Variants in TRHDE observed in about 807,000 individuals in gnomAD.
TRHDE encodes the protein thyrotropin releasing hormone degrading enzyme, also known as thyrotropin-releasing hormone-degrading ectoenzyme.
Under a neutral mutation model 125.7 loss-of-function variants are expected in TRHDE, and 72 were observed. That is an observed-to-expected ratio of 0.57 (90% CI 0.47 to 0.70). The LOEUF (loss-of-function observed/expected upper bound fraction) is 0.70. Among genes scored for constraint, TRHDE ranks in the 30% least tolerant of loss-of-function variants. The pLI is 0.00. For missense variants in TRHDE, 1,110 were observed against 1,327.1 expected, an observed-to-expected ratio of 0.84 and a Z score of 2.54; for synonymous variants, 509 against 509.1, an observed-to-expected ratio of 1.00 and a Z score of 0.00.
In TRHDE at chr12:72,349,886, G is replaced by A. The variant is rs80089316; in HGVS notation, c.1189-28109G>A. Among the ~76,000 whole-genome samples, 72 of 152,004 alleles carry A rather than the reference G, an allele frequency of 4.7e-4. No individual in the cohort carries two copies. The East Asian group carries it at 0.01, about 21-fold the overall frequency. ...TGTAAATTGGGAACAGATATCATGC[G>A]TTTCTCATGCATAGCTGTTAATTAC... On this transcript the variant is annotated intron_variant, in intron 2 of 18. Transcript: ENST00000261180.
At chr12:72,659,974 G>A (rs1308373290) in intron 18 of TRHDE, among the ~76,000 whole-genome samples, 2 of 152,050 alleles carry the variant, frequency 1.3e-5, no homozygotes, top group Non-Finnish European at 2.9e-5. Flanking sequence ...CCACCAAGAT[G>A]AGGAGACCGG....
chr12:72,300,973 C>T (rs1023954680), intron 2 of TRHDE, among the ~76,000 whole-genome samples: 1 of 152,130 alleles, frequency 6.6e-6, no homozygotes, highest in African/African-American at 2.4e-5. Flanking sequence ...TTCCCCTCCT[C>T]TCTTACTTTC....
chr12:72,639,938 G>T (rs952881161), intron 15 of TRHDE, among the ~76,000 whole-genome samples: 2 of 140,410 alleles, frequency 1.4e-5, no homozygotes, highest in South Asian at 2.4e-4. Flanking sequence ...AGTCTGTAGA[G>T]GTTACTGCTG....
chr12:72,162,625 C>T (rs1876659995), intron 2 of TRHDE, among the ~76,000 whole-genome samples: 1 of 152,180 alleles, frequency 6.6e-6, no homozygotes, highest in African/African-American at 2.4e-5. Flanking sequence ...GAATTCCCTA[C>T]ATAAAACTCT....
At chr12:72,507,226 T>C (rs762632814) in intron 6 of TRHDE, among the ~76,000 whole-genome samples, 7 of 152,046 alleles carry the variant, frequency 4.6e-5, no homozygotes, top group Non-Finnish European at 7.4e-5. Flanking sequence ...ATACAGAAAA[T>C]TGGCACCAGG....
chr12:72,108,657 G>A (rs1470421055), intron 2 of TRHDE, among the ~76,000 whole-genome samples: 2 of 152,048 alleles, frequency 1.3e-5, no homozygotes, highest in South Asian at 2.1e-4. Flanking sequence ...AGGTATTTGC[G>A]AGAACCTGGT....
chr12:72,135,377 C>A (rs1480909968), intron 2 of TRHDE, among the ~76,000 whole-genome samples: 1 of 152,074 alleles, frequency 6.6e-6, no homozygotes, highest in Non-Finnish European at 1.5e-5. Flanking sequence ...CTTTATTGAC[C>A]TGGTCTTTCC....
chr12:72,626,945 C>A (rs1441442817), intron 15 of TRHDE, among the ~76,000 whole-genome samples: 3 of 151,708 alleles, frequency 2.0e-5, no homozygotes, highest in South Asian at 2.1e-4. Flanking sequence ...CACTATTTTT[C>A]TTTTTCTTAT....
intron 3 of TRHDE, among the ~76,000 whole-genome samples, chr12:72,430,414 CATATATATACATGT>C (rs1188474416): frequency 2.8e-5 from 4 of 142,146 alleles, no homozygotes; most frequent in African/African-American, 1.1e-4. Flanking sequence ...TATATATGTG[CATATATATACATGT>C]ATATATATAC....
At position 72,272,622 on chromosome 12, in the gene TRHDE, G is replaced by A. The variant is rs977251320; in HGVS notation, c.-22G>A. On this transcript the variant is annotated 5_prime_UTR_variant, in exon 1 of 19. Transcript: ENST00000261180. The surrounding 1 kb of genome is among the most constrained non-coding windows in gnomAD (Gnocchi z 6.7). The stretch of plus-strand genomic sequence containing the variant: ...CCGCGGGGGGTGCCAGAGGGGGCGG[G>A]GGAGGAGGAGGAGGCGGTGTGATGG... 3 of 905,220 alleles carry A rather than the reference G, an allele frequency of 3.3e-6. No homozygotes were observed. In the African/African-American group the frequency reaches 5.1e-5, roughly 16 times the overall value. The allele number at this position is 905,220 out of a possible 1,614,324, so 56.1% of individuals were successfully genotyped here. A position where few individuals can be genotyped will look rare whatever the true frequency, so the allele number is the denominator to read the frequency against.
chr12:72,326,385 A>T (rs1869341341), intron 2 of TRHDE, among the ~76,000 whole-genome samples: 1 of 152,048 alleles, frequency 6.6e-6, no homozygotes, highest in Non-Finnish European at 1.5e-5. Flanking sequence ...AGCATCACAC[A>T]CTGGAGCCTG....
chr12:72,375,785 A>ATG (rs1871852125), intron 2 of TRHDE, among the ~76,000 whole-genome samples: 1 of 152,158 alleles, frequency 6.6e-6, no homozygotes, highest in Non-Finnish European at 1.5e-5. Flanking sequence ...TATCTCAATA[A>ATG]TGCATGTCTT....
chr12:72,378,518 C>T (rs1198932796), intron 3 of TRHDE, among the ~76,000 whole-genome samples: 1 of 152,070 alleles, frequency 6.6e-6, no homozygotes, highest in African/African-American at 2.4e-5. Flanking sequence ...ATCTGGACAG[C>T]CAGTAAGTGA....
intron 2 of TRHDE, among the ~76,000 whole-genome samples, chr12:72,312,171 G>A (rs1009114131): frequency 6.6e-6 from 1 of 152,082 alleles, no homozygotes; most frequent in Non-Finnish European, 1.5e-5. Flanking sequence ...AATCAGGACC[G>A]CCCTCAAAGG....
chr12:72,368,103 C>A (rs1374936611), intron 2 of TRHDE, among the ~76,000 whole-genome samples: 1 of 152,080 alleles, frequency 6.6e-6, no homozygotes, highest in African/African-American at 2.4e-5. Context: ...TTTTAAACAA[C>A]AAATCATTAA....
At chr12:72,515,546 T>A (rs1314242673) in intron 6 of TRHDE, among the ~76,000 whole-genome samples, 1 of 152,228 alleles carries the variant, frequency 6.6e-6, no homozygotes. Context: ...ATTAGCCCTT[T>A]GTCAGATGAG....
At chr12:72,420,278 G>A (rs1489339143) in intron 3 of TRHDE, among the ~76,000 whole-genome samples, 1 of 152,070 alleles carries the variant, frequency 6.6e-6, no homozygotes, top group Non-Finnish European at 1.5e-5. Context: ...TGGGAACTTT[G>A]GCCTTGTTTT....
intron 12 of TRHDE, among the ~76,000 whole-genome samples, chr12:72,616,037 T>C (rs1387777560): frequency 2.0e-5 from 3 of 152,240 alleles, no homozygotes; most frequent in East Asian, 3.9e-4. Flanking sequence ...CTGGGAAGTA[T>C]AGTTCATTCA....
In TRHDE at chr12:72,531,848, C is replaced by T. The variant is rs935616737; in HGVS notation, c.1723-10443C>T. ...TATGTTTATTTCTGCTCCAACATTA[C>T]TGTCATAGGGCTAACCACTACAACT... On this transcript the variant is annotated intron_variant, in intron 6 of 18. Coordinates refer to ENST00000261180, the MANE Select transcript of TRHDE (RefSeq NM_013381.3). Among the ~76,000 whole-genome samples, 4 of 152,160 alleles carry T rather than the reference C, an allele frequency of 2.6e-5. No homozygotes were observed. In the East Asian group the frequency reaches 7.7e-4, roughly 29 times the overall value.
Sources: gnomAD v4.1 joint callset for allele counts (sites outside exome capture counted in the v4.1 genomes callset) on GRCh38, gnomAD v4.1.1 for gene constraint, Gnocchi (gnomAD v3.1) non-coding constraint, MANE v1.5 for transcripts, NCBI Gene and HGNC (gene_info 2026-07-23, HGNC 2026-07-21) for gene names.